KLK7: variants seen among roughly 807,000 people sequenced by gnomAD.
The protein encoded by KLK7 is kallikrein related peptidase 7.
In KLK7, 17 loss-of-function variants were observed where a neutral mutation model predicts 21.0. The observed-to-expected ratio is 0.81, with a 90% CI of 0.55 to 1.21. The LOEUF (loss-of-function observed/expected upper bound fraction) is 1.21, where lower values mean the gene tolerates loss of function less well. KLK7 is among the 50% of genes most tolerant of loss of function. The pLI is 0.00. For synonymous variants in KLK7, 151 were observed against 134.6 expected, an observed-to-expected ratio of 1.12 and a Z score of -0.85; for missense variants, 330 against 322.8, an observed-to-expected ratio of 1.02 and a Z score of -0.17.
In KLK7 at chr19:50,980,416, G is replaced by A. The variant is rs1208302700; in HGVS notation, c.293C>T (p.Ser98Leu). Residue 98 changes from serine (S) to leucine (L), a missense_variant, in exon 4 of 6, where the codon TCA (serine) becomes TTA (leucine). Transcript: ENST00000595820. ...RRAQRIKASK[S>L]FRHPGYSTQT... ...TGTGGAGTAGCCGGGGTGGCGGAAT[G>A]ACTTCGAGGCCTTGATCCTCTGAGC... 6.2e-7 allele frequency: 1 copy of A among 1,614,030 alleles called. No individual in the cohort carries two copies. Among genetic ancestry groups the A allele is most frequent in the Non-Finnish European group, 8.5e-7 (1 of 1,179,972 alleles).
chr19:50,978,416 A>T (rs2091051898), intron 5 of KLK7, among the ~76,000 whole-genome samples: 1 of 151,682 alleles, frequency 6.6e-6, no homozygotes, highest in Non-Finnish European at 1.5e-5. Flanking sequence ...GAGAAGAAAG[A>T]GGGAAAGGAG....
chr19:50,979,739 G>T, intron 5 of KLK7, 49 bp downstream of exon 5: 1 of 1,543,112 alleles, frequency 6.5e-7, no homozygotes, highest in Non-Finnish European at 8.8e-7. Flanking sequence ...CCTGGGGCAT[G>T]CAGACAGGGT....
At chr19:50,981,486 A>G in intron 3 of KLK7, among the ~76,000 whole-genome samples, 2 of 89,716 alleles carry the variant, frequency 2.2e-5, no homozygotes, top group Non-Finnish European at 4.5e-5. Flanking sequence ...GAGAGAGAGG[A>G]GGGGGAACAG....
At chr19:50,979,239 CAATGCAGTACTT>C (rs1174233279) in intron 5 of KLK7, among the ~76,000 whole-genome samples, 3 of 152,114 alleles carry the variant, frequency 2.0e-5, no homozygotes, top group African/African-American at 7.2e-5. Flanking sequence ...CACAATACTT[CAATGCAGTACTT>C]AACGAAATCA....
At chr19:50,980,721 G>GAA (rs2122253525) in intron 3 of KLK7, among the ~76,000 whole-genome samples, 1 of 99,478 alleles carries the variant, frequency 1.0e-5, no homozygotes, top group Non-Finnish European at 2.0e-5. Flanking sequence ...CAGAGACCCA[G>GAA]AGAGAGGAGG....
intron 5 of KLK7, among the ~76,000 whole-genome samples, chr19:50,979,123 G>A (rs2091057604): frequency 1.3e-5 from 2 of 152,120 alleles, no homozygotes; most frequent in African/African-American, 2.4e-5. Flanking sequence ...GCCAGAAAGA[G>A]GGAACAGAGA....
chr19:50,981,828 G>A lies in KLK7; in HGVS notation c.160C>T (p.His54Tyr). Residue 54 changes from histidine to tyrosine, a missense_variant, in exon 3 of 6, where the codon CAC (histidine) becomes TAC (tyrosine). Physicochemically the swap from His to Tyr is moderately conservative, Grantham distance 83. Coordinates refer to ENST00000595820, the MANE Select transcript of KLK7 (RefSeq NM_005046.4). The stretch of plus-strand genomic sequence containing the variant: ...TCATTGACCAGGACGCCTCCGCAGT[G>A]GAGCTGATTGCCACTGAGCAGGGCC... ...QVALLSGNQLHCGGVLVNERW... is the reference protein window; with the variant it reads ...QVALLSGNQLYCGGVLVNERW... 1 of 1,607,646 alleles carries A rather than the reference G, an allele frequency of 6.2e-7. No homozygotes were observed. The highest frequency in any genetic ancestry group is 8.5e-7 in the Non-Finnish European group (1 of 1,177,856).
At chr19:50,978,811 G>A (rs1210112244) in intron 5 of KLK7, among the ~76,000 whole-genome samples, 1 of 142,382 alleles carries the variant, frequency 7.0e-6, no homozygotes, top group Non-Finnish European at 1.5e-5. Flanking sequence ...GGAGAGAGAT[G>A]AAGAGAGACA....
intron 3 of KLK7, among the ~76,000 whole-genome samples, chr19:50,980,866 AT>A (rs200292618): frequency 2.1e-5 from 3 of 142,652 alleles, no homozygotes; most frequent in South Asian, 2.4e-4. Context: ...GGGGACAGAG[AT>A]CCAGAGAGAG....
In KLK7 at chr19:50,983,868, T is replaced by G. The variant is rs1188987367; in HGVS notation, c.-76A>C. On this transcript the variant is annotated 5_prime_UTR_variant, in exon 1 of 6. Coordinates refer to ENST00000595820, the MANE Select transcript of KLK7 (RefSeq NM_005046.4). ...CTTCTCACCTCGAGAGGATCTGATG[T>G]GATCCAAGTTCCGACTTGGGCTGGC... 7.8e-7 allele frequency: 1 copy of G among 1,289,096 alleles called. No individual in the cohort carries two copies. Among genetic ancestry groups the G allele is most frequent in the Non-Finnish European group, 1.0e-6 (1 of 988,746 alleles). The allele number at this position is 1,289,096 out of a possible 1,614,324, so 79.9% of individuals were successfully genotyped here.
At position 50,981,792 on chromosome 19, in the gene KLK7, G is replaced by GCACCCAGCGCTCATTGAC. The variant is rs1291997090; in HGVS notation, c.178_195dup (p.Val60_Val65dup). 6.3e-7 allele frequency: 1 copy of GCACCCAGCGCTCATTGAC among 1,586,040 alleles called. No homozygotes were observed. The highest frequency in any genetic ancestry group is 1.3e-5 in the African/African-American group (1 of 74,894). On this transcript the variant is annotated inframe_insertion, in exon 3 of 6. Coordinates refer to ENST00000595820, the MANE Select transcript of KLK7 (RefSeq NM_005046.4). ...TTCATCTTGCAGTGGGCGGCAGTGA[G>GCACCCAGCGCTCATTGAC]CACCCAGCGCTCATTGACCAGGACG...
In KLK7 at chr19:50,979,851, C is replaced by A; in HGVS notation, c.543G>T (p.Lys181Asn). Residue 181 changes from lysine (K) to asparagine (N), a missense_variant, in exon 5 of 6, where the codon AAG (lysine) becomes AAT (asparagine). Physicochemically the swap from Lys to Asn is moderately conservative, Grantham distance 94. Coordinates refer to ENST00000595820, the MANE Select transcript of KLK7 (RefSeq NM_005046.4). ...ISPQDCTKVY[K>N]DLLENSMLCA... Reference sequence around the variant, plus strand: ...ACAGCATGGAATTTTCCAGTAAGTCCTTGTAAACCTTCGTGCAGTCCTGGG... The same window carrying A: ...ACAGCATGGAATTTTCCAGTAAGTCATTGTAAACCTTCGTGCAGTCCTGGG... 3 of 1,584,036 alleles carry A rather than the reference C, an allele frequency of 1.9e-6. No individual in the cohort carries two copies. The highest frequency in any genetic ancestry group is 2.6e-6 in the Non-Finnish European group (3 of 1,164,496).
In KLK7 at chr19:50,979,855, T is replaced by TAAAC. The variant is rs2091062777; in HGVS notation, c.535_538dup (p.Tyr180CysfsTer26). ...CATGGAATTTTCCAGTAAGTCCTTG[T>TAAAC]AAACCTTCGTGCAGTCCTGGGGGGA... On this transcript the variant is annotated frameshift_variant, in exon 5 of 6. Transcript: ENST00000595820. LOFTEE classifies it high-confidence loss of function. The TAAAC allele has an allele frequency of 1.3e-6, 2 of 1,585,452 alleles. No individual in the cohort carries two copies.
chr19:50,977,724 C>T (rs1349379135), intron 5 of KLK7, 33 bp from the exon 6 acceptor site: 2 of 1,604,754 alleles, frequency 1.2e-6, no homozygotes, highest in Non-Finnish European at 1.7e-6. Context: ...TTAACTTTGG[C>T]TTCAGATCAA....
Position 50,977,639 on chromosome 19 carries a change from G to T in KLK7, c.659C>A (p.Ser220Tyr), listed in dbSNP as rs374033717. ...VCRGTLQGLV[S>Y]WGTFPCGQPN... is the part of the protein sequence containing the mutation. ...TTGGCCGCAAGGGAAAGTTCCCCAG[G>T]ACACCAGACCTTGCAGGGTACCTCT... The change falls in exon 6 of 6, where the codon TCC becomes TAC. Residue 220 changes from serine to tyrosine, a missense_variant. Physicochemically the swap from Ser to Tyr is moderately radical, Grantham distance 144 (BLOSUM62 -2). Transcript: ENST00000595820. 1 of 1,613,706 alleles carries T rather than the reference G, an allele frequency of 6.2e-7. No individual in the cohort carries two copies. The highest frequency in any genetic ancestry group is 8.5e-7 in the Non-Finnish European group (1 of 1,180,020).
intron 1 of KLK7, 59 bp from the exon 2 acceptor site, chr19:50,982,516 C>A: frequency 7.1e-7 from 1 of 1,410,806 alleles, no homozygotes. Flanking sequence ...GGGGTCCAGG[C>A]CCCAGCCCCT....
chr19:50,979,646 G>C, intron 5 of KLK7, 142 bp downstream of exon 5: 2 of 750,604 alleles, frequency 2.7e-6, no homozygotes, highest in Admixed American at 5.2e-5. Flanking sequence ...GGCAGAGAAT[G>C]AGGTGGAAAA....
intron 3 of KLK7, among the ~76,000 whole-genome samples, chr19:50,980,897 GA>G (rs2091075880): frequency 6.8e-6 from 1 of 147,898 alleles, no homozygotes. Context: ...GACCCAGAGA[GA>G]GAGGGACAGA....
chr19:50,979,670 A>C (rs2091061068), intron 5 of KLK7, 118 bp downstream of exon 5: 1 of 992,908 alleles, frequency 1.0e-6, no homozygotes, highest in Non-Finnish European at 1.5e-6. Flanking sequence ...TGAGGAGGCC[A>C]GGCCTGGGGG....
Sources: allele counts gnomAD v4.1 joint callset (sites outside exome capture counted in the v4.1 genomes callset), GRCh38; gene constraint gnomAD v4.1.1; transcripts MANE v1.5; gene names NCBI Gene and HGNC (gene_info 2026-07-23, HGNC 2026-07-21).